Variants in ANTXR2 observed in about 807,000 individuals in gnomAD.
ANTXR2 encodes anthrax toxin receptor 2.
A neutral mutation model predicts 73.7 loss-of-function variants in ANTXR2; 44 were observed. The observed-to-expected ratio is 0.60, with a 90% confidence interval of 0.47 to 0.77. ANTXR2 has a LOEUF of 0.77. Ranked by LOEUF, ANTXR2 falls within the 30% of genes least tolerant of loss-of-function variation. ANTXR2 has a pLI of 0.00. For missense variants in ANTXR2, 604 were observed against 592.5 expected, an observed-to-expected ratio of 1.02 and a Z score of -0.20; for synonymous variants, 217 against 205.9, an observed-to-expected ratio of 1.05 and a Z score of -0.46.
intron 8 of ANTXR2, among the ~76,000 whole-genome samples, chr4:80,035,525 TA>T (rs1483316070): frequency 6.6e-6 from 1 of 152,144 alleles, no homozygotes; most frequent in African/African-American, 2.4e-5. Context: ...CACCAGCTGA[TA>T]AAGCCACCTG....
intron 14 of ANTXR2, among the ~76,000 whole-genome samples, chr4:79,983,646 C>T (rs575372385): frequency 1.3e-5 from 2 of 152,082 alleles, no homozygotes; most frequent in South Asian, 4.2e-4. Flanking sequence ...CCTTAGAATT[C>T]AGAGGTCTTA....
At chr4:80,038,521 C>G (rs1289614332) in intron 7 of ANTXR2, among the ~76,000 whole-genome samples, 1 of 152,018 alleles carries the variant, frequency 6.6e-6, no homozygotes, top group Non-Finnish European at 1.5e-5. Flanking sequence ...GATGATTCAA[C>G]AATTTATGTT....
At chr4:80,058,797 G>C (rs1734116580) in intron 3 of ANTXR2, among the ~76,000 whole-genome samples, 1 of 152,094 alleles carries the variant, frequency 6.6e-6, no homozygotes, top group African/African-American at 2.4e-5. Context: ...TAGAAGATCA[G>C]CTTCACTGAG....
intron 11 of ANTXR2, among the ~76,000 whole-genome samples, chr4:80,008,999 C>T (rs964842238): frequency 2.0e-5 from 3 of 152,026 alleles, no homozygotes; most frequent in Non-Finnish European, 4.4e-5. Context: ...ATCCTGCAGA[C>T]TTTTTGATGG....
intron 12 of ANTXR2, among the ~76,000 whole-genome samples, chr4:79,993,584 G>A (rs1342515058): frequency 6.6e-6 from 1 of 151,874 alleles, no homozygotes; most frequent in African/African-American, 2.4e-5. Context: ...AATTATGTTT[G>A]AATTACTGCA....
intron 12 of ANTXR2, among the ~76,000 whole-genome samples, chr4:79,993,119 A>G (rs1730549619): frequency 6.6e-6 from 1 of 152,028 alleles, no homozygotes; most frequent in Admixed American, 6.6e-5. Context: ...AACAGGTGTT[A>G]TGTCTGCTTT....
At chr4:79,965,832 A>C (rs1021958662) in intron 16 of ANTXR2, among the ~76,000 whole-genome samples, 1 of 152,212 alleles carries the variant, frequency 6.6e-6, no homozygotes, top group African/African-American at 2.4e-5. Context: ...AAATTTCCTA[A>C]TATTCCTAAT....
intron 16 of ANTXR2, among the ~76,000 whole-genome samples, chr4:79,965,724 G>T (rs1729336171): frequency 1.3e-5 from 2 of 152,130 alleles, no homozygotes; most frequent in Non-Finnish European, 2.9e-5. Flanking sequence ...GACCTTAACA[G>T]ACAATAACAT....
At chr4:80,005,050 C>A (rs1235514942) in intron 12 of ANTXR2, among the ~76,000 whole-genome samples, 1 of 152,058 alleles carries the variant, frequency 6.6e-6, no homozygotes, top group African/African-American at 2.4e-5. Context: ...ACAAGTGATT[C>A]AATCATGTTA....
At chr4:80,013,432 A>G (rs1211350006) in intron 11 of ANTXR2, among the ~76,000 whole-genome samples, 2 of 152,218 alleles carry the variant, frequency 1.3e-5, no homozygotes, top group African/African-American at 2.4e-5. Context: ...TAAGGCCTCA[A>G]TAGGACTGAG....
At chr4:79,989,184 A>G (rs898852381) in intron 12 of ANTXR2, among the ~76,000 whole-genome samples, 13 of 151,978 alleles carry the variant, frequency 8.6e-5, no homozygotes, top group African/African-American at 3.1e-4. Context: ...AAATCTGTAC[A>G]AAAGATCAGC....
intron 16 of ANTXR2, among the ~76,000 whole-genome samples, chr4:79,965,927 TA>T (rs1301179820): frequency 1.3e-5 from 2 of 152,194 alleles, no homozygotes; most frequent in African/African-American, 4.8e-5. Context: ...CTTAAAAATA[TA>T]AAATCTTTCA....
rs371426973 is a variant in ANTXR2 at position 80,001,674 on chromosome 4, G to A, written c.1041+6847C>T. Among the ~76,000 whole-genome samples the A allele has an allele frequency of 2.3e-4, 34 of 150,764 alleles. 1 individual carries two copies. In the East Asian group the frequency reaches 5.9e-3, roughly 26 times the overall value. On this transcript the variant is annotated intron_variant, in intron 12 of 16. Transcript: ENST00000403729. ...TGTTAAAGTCTCCCATTATTATTGTGTGGGAGTCTAAGTCTCTTTGTAGGT... is the reference window on the plus strand; with the variant it reads ...TGTTAAAGTCTCCCATTATTATTGTATGGGAGTCTAAGTCTCTTTGTAGGT...
chr4:79,937,486 G>T (rs903033135), intron 16 of ANTXR2, among the ~76,000 whole-genome samples: 86 of 152,080 alleles, frequency 5.7e-4, no homozygotes, highest in Admixed American at 2.9e-3. Flanking sequence ...ACTTGCTTGG[G>T]CCACTTTTTC....
intron 12 of ANTXR2, among the ~76,000 whole-genome samples, chr4:80,005,694 C>G (rs1012390314): frequency 6.6e-5 from 10 of 152,040 alleles, no homozygotes; most frequent in Admixed American, 6.6e-4. Flanking sequence ...GTACTTTGTT[C>G]TGGCTATATT....
chr4:80,070,099 T>C (rs1734717390), intron 2 of ANTXR2, among the ~76,000 whole-genome samples: 1 of 152,222 alleles, frequency 6.6e-6, no homozygotes, highest in South Asian at 2.1e-4. Flanking sequence ...TCTTTCAAGT[T>C]TTAGGCATGT....
At chr4:79,915,850 CTCTCTCTCTCTCTA>C (rs1283165741) in intron 16 of ANTXR2, among the ~76,000 whole-genome samples, 1 of 120,524 alleles carries the variant, frequency 8.3e-6, no homozygotes, top group Non-Finnish European at 1.9e-5. Flanking sequence ...CTCTCTCTCT[CTCTCTCTCTCTCTA>C]TATATATATA....
chr4:79,911,698 G>GT (rs1411919725), intron 16 of ANTXR2, among the ~76,000 whole-genome samples: 2 of 151,860 alleles, frequency 1.3e-5, no homozygotes, highest in Non-Finnish European at 2.9e-5. Flanking sequence ...GGTGGCATAA[G>GT]TGTTTAGAGA....
intron 7 of ANTXR2, among the ~76,000 whole-genome samples, chr4:80,039,033 A>G (rs1272243161): frequency 6.6e-6 from 1 of 152,084 alleles, no homozygotes; most frequent in Non-Finnish European, 1.5e-5. Flanking sequence ...AACATTGAAC[A>G]CATAAATTAA....
Sources: gnomAD v4.1 joint callset for allele counts (sites outside exome capture counted in the v4.1 genomes callset) on GRCh38, gnomAD v4.1.1 for gene constraint, MANE v1.5 for transcripts, NCBI Gene and HGNC (gene_info 2026-07-23, HGNC 2026-07-21) for gene names.